Variants in DLGAP1 observed in about 807,000 individuals in gnomAD.
DLGAP1 encodes DLG associated protein 1.
A neutral mutation model predicts 90.8 loss-of-function variants in DLGAP1; 11 were observed. The observed-to-expected ratio is 0.12, with a 90% CI of 0.08 to 0.20. The LOEUF is 0.20. Among genes scored for constraint, DLGAP1 ranks in the 10% least tolerant of loss-of-function variants. The probability of loss-of-function intolerance (pLI) is 1.00; values close to 1 mark genes in which losing one functional copy is unlikely to be tolerated. For synonymous variants in DLGAP1, 558 were observed against 540.7 expected (o/e 1.03, Z -0.44); for missense variants, 1,050 against 1,333.8 (o/e 0.79, Z 3.31).
chr18:3,626,829 G>A (rs1053967151), intron 7 of DLGAP1, among the ~76,000 whole-genome samples: 1 of 151,908 alleles, frequency 6.6e-6, no homozygotes, highest in Admixed American at 6.6e-5. Context: ...ACCCGGGAGG[G>A]CGGAGGCTGC....
At chr18:4,004,180 T>C (rs774129950) in intron 3 of DLGAP1, among the ~76,000 whole-genome samples, 3 of 152,334 alleles carry the variant, frequency 2.0e-5, no homozygotes, top group African/African-American at 4.8e-5. Flanking sequence ...GAGGCACTTA[T>C]GTTTTCTCTA....
chr18:4,142,241 T>C (rs1568418314), intron 2 of DLGAP1, among the ~76,000 whole-genome samples: 2 of 152,236 alleles, frequency 1.3e-5, no homozygotes, highest in Admixed American at 6.5e-5. Flanking sequence ...AAGGAAATTA[T>C]TCTATCATCC....
intron 7 of DLGAP1, among the ~76,000 whole-genome samples, chr18:3,657,840 G>A (rs976765691): frequency 4.6e-5 from 7 of 151,846 alleles, no homozygotes; most frequent in Admixed American, 3.9e-4. Context: ...TCCTGACCTC[G>A]TGATCCGCCC....
At chr18:4,305,233 G>A (rs1168619188) in intron 1 of DLGAP1, among the ~76,000 whole-genome samples, 1 of 151,486 alleles carries the variant, frequency 6.6e-6, no homozygotes, top group Non-Finnish European at 1.5e-5. Context: ...CAATGAGAAT[G>A]AACAATAACA....
At chr18:4,410,975 G>A (rs2082764953) in intron 1 of DLGAP1, among the ~76,000 whole-genome samples, 2 of 152,172 alleles carry the variant, frequency 1.3e-5, no homozygotes. Flanking sequence ...CCCCCAATAA[G>A]TGGGTGATAT....
At chr18:4,093,447 A>G (rs1328705183) in intron 2 of DLGAP1, among the ~76,000 whole-genome samples, 1 of 152,204 alleles carries the variant, frequency 6.6e-6, no homozygotes, top group Non-Finnish European at 1.5e-5. Context: ...GAAGCCTACT[A>G]GTCTCTTAAA....
At chr18:4,258,019 G>A (rs909306041) in intron 1 of DLGAP1, among the ~76,000 whole-genome samples, 2 of 150,602 alleles carry the variant, frequency 1.3e-5, no homozygotes, top group Admixed American at 6.6e-5. Flanking sequence ...GTGCGCGCGC[G>A]CGCGTATAAC....
At chr18:4,000,506 G>A (rs2074160730) in intron 3 of DLGAP1, among the ~76,000 whole-genome samples, 3 of 152,138 alleles carry the variant, frequency 2.0e-5, no homozygotes, top group Admixed American at 6.5e-5. Context: ...ACAAAAAAAT[G>A]TCTACTTAAT....
intron 2 of DLGAP1, among the ~76,000 whole-genome samples, chr18:4,057,675 CTCTT>C (rs1189740609): frequency 6.6e-6 from 1 of 152,222 alleles, no homozygotes; most frequent in Non-Finnish European, 1.5e-5. Flanking sequence ...CTTGGTCTCT[CTCTT>C]TCTCTCTCTG....
chr18:4,190,571 C>T (rs899351372), intron 1 of DLGAP1, among the ~76,000 whole-genome samples: 6 of 152,034 alleles, frequency 3.9e-5, no homozygotes, highest in South Asian at 2.1e-4. Context: ...TTGTAACAAA[C>T]GTACCTTACT....
chr18:4,125,654 C>G (rs73943849), intron 2 of DLGAP1, among the ~76,000 whole-genome samples: 221 of 151,916 alleles, frequency 1.5e-3, no homozygotes, highest in African/African-American at 5.1e-3. Context: ...AACAAACAAA[C>G]GAAAAACAAA....
At chr18:3,583,190 C>T (rs1217570399) in intron 7 of DLGAP1, among the ~76,000 whole-genome samples, 5 of 148,776 alleles carry the variant, frequency 3.4e-5, no homozygotes, top group Admixed American at 6.7e-5. Flanking sequence ...ACCTACCTTC[C>T]TTCCTTCCTT....
At chr18:4,415,972 C>T (rs1323181900) in intron 1 of DLGAP1, among the ~76,000 whole-genome samples, 1 of 152,110 alleles carries the variant, frequency 6.6e-6, no homozygotes, top group Non-Finnish European at 1.5e-5. Flanking sequence ...CTCATTTGAT[C>T]GCTTTGAGGT....
intron 1 of DLGAP1, among the ~76,000 whole-genome samples, chr18:4,213,163 G>A (rs144679678): frequency 0.015 from 2,344 of 152,290 alleles, 27 homozygotes; most frequent in Middle Eastern, 0.024. Flanking sequence ...TGAAGCAGAT[G>A]CCAAAGCAAA....
At chr18:4,282,938 G>C (rs916769126) in intron 1 of DLGAP1, among the ~76,000 whole-genome samples, 2 of 152,138 alleles carry the variant, frequency 1.3e-5, no homozygotes, top group Non-Finnish European at 2.9e-5. Context: ...ATCCTATTTA[G>C]TTTCAAAAAT....
chr18:3,659,914 G>A (rs960083920), intron 7 of DLGAP1, among the ~76,000 whole-genome samples: 28 of 152,060 alleles, frequency 1.8e-4, no homozygotes, highest in Middle Eastern at 6.8e-3. Context: ...CCCTTATTCC[G>A]GACCCATTAG....
chr18:3,673,094 C>G (rs1057182614), intron 7 of DLGAP1, among the ~76,000 whole-genome samples: 1 of 152,160 alleles, frequency 6.6e-6, no homozygotes, highest in Non-Finnish European at 1.5e-5. Context: ...CTCTGTCTTC[C>G]GTGGTTCCCC....
At chr18:3,934,582 AC>A (rs1202619244) in intron 3 of DLGAP1, among the ~76,000 whole-genome samples, 1 of 152,190 alleles carries the variant, frequency 6.6e-6, no homozygotes, top group Non-Finnish European at 1.5e-5. Flanking sequence ...ACACTTACAG[AC>A]CTTTTGGTGA....
At position 3,534,381 on chromosome 18, in the gene DLGAP1, A is replaced by G; in HGVS notation, c.2292T>C (p.Ser764=). The part of the protein sequence containing the change: ...DDDFDTDFDP[S]ILPPPDPWID... ...TCCAGGGGTCCGGAGGAGGCAGAATAGAGGGGTCAAAATCCGTGTCAAAGT... is the reference window on the plus strand; with the variant it reads ...TCCAGGGGTCCGGAGGAGGCAGAATGGAGGGGTCAAAATCCGTGTCAAAGT... Residue 764 remains serine, a synonymous_variant, in exon 10 of 13, where the codon TCT becomes TCC. Coordinates refer to ENST00000315677, the MANE Select transcript of DLGAP1 (RefSeq NM_004746.4). The G allele has an allele frequency of 6.2e-7, 1 of 1,614,122 alleles. No individual in the cohort carries two copies. Among genetic ancestry groups the G allele is most frequent in the East Asian group, 2.2e-5 (1 of 44,872 alleles).
Sources: gnomAD v4.1 joint callset for allele counts (sites outside exome capture counted in the v4.1 genomes callset) on GRCh38, gnomAD v4.1.1 for gene constraint, MANE v1.5 for transcripts, NCBI Gene and HGNC (gene_info 2026-07-23, HGNC 2026-07-21) for gene names.